E2F3: variants seen among roughly 807,000 people sequenced by gnomAD.
The protein encoded by E2F3 is transcription factor E2F3.
Under a neutral mutation model 44.4 loss-of-function variants are expected in E2F3, and 11 were observed. That is an observed-to-expected ratio of 0.25 (90% CI 0.16 to 0.41). The LOEUF (loss-of-function observed/expected upper bound fraction) is 0.41. E2F3 is among the 10% of genes least tolerant of loss of function. E2F3 has a pLI of 1.00. For synonymous variants in E2F3, 249 were observed against 253.0 expected (o/e 0.98, Z 0.15); for missense variants, 487 against 583.6 (o/e 0.83, Z 1.70).
intron 5 of E2F3, 124 bp downstream of exon 5, chr6:20,486,927 AT>A: frequency 1.6e-6 from 1 of 615,218 alleles, no homozygotes; most frequent in Non-Finnish European, 2.8e-6. Context: ...TTTCCCATTT[AT>A]TTTACTTAAC....
At chr6:20,429,510 C>G (rs1009718664) in intron 1 of E2F3, among the ~76,000 whole-genome samples, 1 of 152,134 alleles carries the variant, frequency 6.6e-6, no homozygotes, top group African/African-American at 2.4e-5. Context: ...TTGGTACTAT[C>G]TGAGGTTTCA....
intron 1 of E2F3, among the ~76,000 whole-genome samples, chr6:20,469,086 G>A (rs925029697): frequency 1.3e-5 from 2 of 152,014 alleles, no homozygotes; most frequent in African/African-American, 4.8e-5. Context: ...ATTTGGTGAG[G>A]GCAAATGGTG....
intron 3 of E2F3, among the ~76,000 whole-genome samples, 180 bp downstream of exon 3, chr6:20,481,605 T>C (rs1266756350): frequency 6.6e-6 from 1 of 152,182 alleles, no homozygotes; most frequent in Admixed American, 6.5e-5. Context: ...GAAGTCTCTT[T>C]ACAAAGAGAC....
chr6:20,465,510 G>A (rs1346566420), intron 1 of E2F3, among the ~76,000 whole-genome samples: 1 of 152,004 alleles, frequency 6.6e-6, no homozygotes, highest in Non-Finnish European at 1.5e-5. Context: ...GTGGTATTTG[G>A]TTACATGAGT....
At chr6:20,439,732 A>G (rs1760710025) in intron 1 of E2F3, among the ~76,000 whole-genome samples, 1 of 152,076 alleles carries the variant, frequency 6.6e-6, no homozygotes, top group Non-Finnish European at 1.5e-5. Flanking sequence ...GGGTCTCACT[A>G]TGTTGCCCAG....
chr6:20,405,750 G>A (rs1759473696), intron 1 of E2F3, among the ~76,000 whole-genome samples: 1 of 151,886 alleles, frequency 6.6e-6, no homozygotes, highest in South Asian at 2.1e-4. Context: ...TTGACCCTGG[G>A]AAGCGGAGGT....
chr6:20,488,109 A>G lies in E2F3; in HGVS notation c.1000-4A>G, dbSNP rs1449943216. ...ATTCGAACTTCTCCCACTTCTGTTC[A>G]TAGAGCCTACAAATACATTTGGCAA... On this transcript the variant is annotated splice_polypyrimidine_tract_variant and splice_region_variant and intron_variant, in intron 5 of 6. Coordinates refer to ENST00000346618, the MANE Select transcript of E2F3 (RefSeq NM_001949.5). The G allele has an allele frequency of 1.9e-6, 3 of 1,613,760 alleles. No homozygotes were observed. Among genetic ancestry groups the G allele is most frequent in the Non-Finnish European group, 1.7e-6 (2 of 1,180,022 alleles).
chr6:20,472,767 C>A lies in E2F3; in HGVS notation c.394-7079C>A, dbSNP rs72828452. ...TCAGTGCAAGCTGGGTGTAATAATACCTACCCCACAATGCCAGCATGATTA... is the reference window on the plus strand; with the variant it reads ...TCAGTGCAAGCTGGGTGTAATAATAACTACCCCACAATGCCAGCATGATTA... On this transcript the variant is annotated intron_variant, in intron 1 of 6. Coordinates refer to ENST00000346618, the MANE Select transcript of E2F3 (RefSeq NM_001949.5). Among the ~76,000 whole-genome samples the A allele has an allele frequency of 6.8e-3, 1,034 of 152,250 alleles. 4 individuals carry two copies. Among genetic ancestry groups the A allele is most frequent in the Non-Finnish European group, 0.011 (715 of 68,010 alleles).
intron 1 of E2F3, among the ~76,000 whole-genome samples, chr6:20,432,859 C>CTT (rs1760453927): frequency 6.6e-6 from 1 of 152,180 alleles, no homozygotes; most frequent in Non-Finnish European, 1.5e-5. Context: ...CTGCTTCCTG[C>CTT]CTCAGGGCCT....
intron 2 of E2F3, among the ~76,000 whole-genome samples, chr6:20,480,814 T>C (rs1010714672): frequency 5.3e-5 from 8 of 152,330 alleles, no homozygotes; most frequent in African/African-American, 1.7e-4. Context: ...GTGAGACTCA[T>C]AGCCTGGCTC....
At chr6:20,459,224 A>G (rs1413097034) in intron 1 of E2F3, among the ~76,000 whole-genome samples, 6 of 152,224 alleles carry the variant, frequency 3.9e-5, no homozygotes, top group Non-Finnish European at 7.3e-5. Flanking sequence ...GTGAGCCAAC[A>G]TCGTGCCACT....
At chr6:20,463,401 G>C (rs1176324819) in intron 1 of E2F3, among the ~76,000 whole-genome samples, 6 of 152,106 alleles carry the variant, frequency 3.9e-5, no homozygotes, top group Non-Finnish European at 8.8e-5. Flanking sequence ...CAAAGAGAGA[G>C]ATTTAAATGT....
At chr6:20,440,560 C>A (rs953953478) in intron 1 of E2F3, among the ~76,000 whole-genome samples, 3 of 152,176 alleles carry the variant, frequency 2.0e-5, no homozygotes, top group Non-Finnish European at 4.4e-5. Flanking sequence ...GTCAATGATA[C>A]CAGTAGAAAA....
intron 2 of E2F3, among the ~76,000 whole-genome samples, chr6:20,480,334 C>T (rs1762179761): frequency 6.6e-6 from 1 of 152,204 alleles, no homozygotes; most frequent in African/African-American, 2.4e-5. Context: ...GTGCCGACCT[C>T]AATCTCCAGC....
In E2F3 at chr6:20,402,058, C is replaced by A; in HGVS notation, c.-175C>A. 5 of 1,149,792 alleles carry A rather than the reference C, an allele frequency of 4.3e-6. No individual in the cohort carries two copies. Among genetic ancestry groups the A allele is most frequent in the Non-Finnish European group, 4.6e-6 (4 of 869,220 alleles). The allele number at this position is 1,149,792 out of a possible 1,614,324, so 71.2% of individuals were successfully genotyped here. A position where few individuals can be genotyped will look rare whatever the true frequency, so the allele number is the denominator to read the frequency against. ...TCTCCAGAGCCCCGATTATTTTTGG[C>A]CCCCGGGGCCTGTGCGGTGCGGAAA... is the stretch of plus-strand genomic sequence containing the variant. On this transcript the variant is annotated 5_prime_UTR_variant, in exon 1 of 7. Coordinates refer to ENST00000346618, the MANE Select transcript of E2F3 (RefSeq NM_001949.5). The surrounding 1 kb of genome is among the most constrained non-coding windows in gnomAD (Gnocchi z 5.6).
intron 1 of E2F3, among the ~76,000 whole-genome samples, chr6:20,449,811 C>T (rs1488079565): frequency 6.6e-6 from 1 of 152,122 alleles, no homozygotes; most frequent in African/African-American, 2.4e-5. Context: ...TGTCTGTTCC[C>T]CTTTATGTGT....
intron 1 of E2F3, among the ~76,000 whole-genome samples, chr6:20,461,957 T>G (rs1289266893): frequency 6.6e-6 from 1 of 152,266 alleles, no homozygotes. Flanking sequence ...GCCAACCTTG[T>G]AAGTGTGAGA....
intron 1 of E2F3, among the ~76,000 whole-genome samples, chr6:20,457,515 A>G (rs1312582552): frequency 6.6e-6 from 1 of 151,962 alleles, no homozygotes; most frequent in East Asian, 1.9e-4. Context: ...CCAATTAACG[A>G]ACATCTACTG....
chr6:20,425,411 CAA>C lies in E2F3; in HGVS notation c.393+22788_393+22789del, dbSNP rs1324037684. Reference sequence around the variant, plus strand: ...ACTTTTTTTTTTTTTTTTTTTGAGACAAAGTCTCGCTCTGTCACCCAGGCTGG... The same window carrying C: ...ACTTTTTTTTTTTTTTTTTTTGAGACAGTCTCGCTCTGTCACCCAGGCTGG... On this transcript the variant is annotated intron_variant, in intron 1 of 6. Transcript: ENST00000346618. Among the ~76,000 whole-genome samples the C allele has an allele frequency of 8.7e-5, 12 of 137,624 alleles. No homozygotes were observed. In the South Asian group the frequency reaches 2.5e-3, roughly 29 times the overall value. 90.3% of individuals were successfully genotyped at this position (137,624 alleles called of 152,430 possible).
Sources: allele counts gnomAD v4.1 joint callset (sites outside exome capture counted in the v4.1 genomes callset), GRCh38; gene constraint gnomAD v4.1.1; non-coding constraint Gnocchi (gnomAD v3.1); transcripts MANE v1.5; gene names NCBI Gene and HGNC (gene_info 2026-07-23, HGNC 2026-07-21).